SLC2A3: variants seen among roughly 807,000 people sequenced by gnomAD.
The protein encoded by SLC2A3 is solute carrier family 2 member 3.
In SLC2A3, 21 loss-of-function variants were observed where a neutral mutation model predicts 46.4. The ratio of observed to expected loss-of-function variants is 0.45; its 90% CI spans 0.32 to 0.65. The LOEUF is 0.65. SLC2A3 is among the 30% of genes least tolerant of loss of function. SLC2A3 has a pLI of 0.04. For synonymous variants in SLC2A3, 213 were observed against 239.4 expected (o/e 0.89, Z 1.02); for missense variants, 499 against 623.3 (o/e 0.80, Z 2.12).
intron 2 of SLC2A3, 122 bp from the exon 3 acceptor site, chr12:7,933,269 G>T: frequency 9.4e-7 from 1 of 1,061,422 alleles, no homozygotes; most frequent in Non-Finnish European, 1.4e-6. Flanking sequence ...GAATGGAAGG[G>T]GCAGATAACG....
chr12:7,933,853 A>G lies in SLC2A3; in HGVS notation c.65T>C (p.Phe22Ser), dbSNP rs781561134. 9 of 1,614,074 alleles carry G rather than the reference A, an allele frequency of 5.6e-6. No homozygotes were observed. The highest frequency in any genetic ancestry group is 6.8e-6 in the Non-Finnish European group (8 of 1,179,982). The change falls in exon 2 of 10, where the codon TTC (phenylalanine) becomes TCC (serine). Residue 22 changes from phenylalanine (F) to serine (S), a missense_variant. This residue lies in a region of SLC2A3 where 248 missense variants were observed against 284.0 expected (regional missense o/e 0.87). Coordinates refer to ENST00000075120, the MANE Select transcript of SLC2A3 (RefSeq NM_006931.3). ...GACCCCAGTGTTGTAGCCAAATTGG[A>G]AAGAGCCGATTGTAGCAACTGTGAT... is the stretch of plus-strand genomic sequence containing the variant. ...FAITVATIGSFQFGYNTGVIN... is the reference protein window; with the variant it reads ...FAITVATIGSSQFGYNTGVIN...
At chr12:7,926,222 G>A (rs11056506) in intron 6 of SLC2A3, among the ~76,000 whole-genome samples, 63,607 of 151,768 alleles carry the variant, frequency 0.42, 13,726 homozygotes, top group Non-Finnish European at 0.48. Flanking sequence ...CTCCTGAGTA[G>A]CTGGACTACA....
At chr12:7,934,226 A>C (rs974871434) in intron 1 of SLC2A3, among the ~76,000 whole-genome samples, 2 of 152,120 alleles carry the variant, frequency 1.3e-5, no homozygotes, top group Non-Finnish European at 2.9e-5. Flanking sequence ...CCACTCACGA[A>C]CTGGGAGGGC....
intron 3 of SLC2A3, among the ~76,000 whole-genome samples, chr12:7,931,794 AAAG>A (rs1358287201): frequency 2.0e-5 from 3 of 152,180 alleles, no homozygotes; most frequent in African/African-American, 4.8e-5. Flanking sequence ...TAAAAAAACA[AAAG>A]AACAACATAA....
chr12:7,932,169 G>A (rs745564794), intron 3 of SLC2A3, among the ~76,000 whole-genome samples: 4 of 151,182 alleles, frequency 2.6e-5, no homozygotes, highest in Non-Finnish European at 4.4e-5. Context: ...CGTGAGCCAC[G>A]GCACCGGCTT....
chr12:7,930,793 T>C (rs1435828320), intron 4 of SLC2A3, 151 bp from the exon 5 acceptor site: 1 of 25,884 alleles, frequency 3.9e-5, no homozygotes, highest in East Asian at 6.0e-4. Context: ...CTCAGCATGG[T>C]TTTTTTTTTT....
chr12:7,921,521 G>A lies in SLC2A3; in HGVS notation c.1383C>T (p.Ile461=), dbSNP rs770503911. ...PETRGRTFED[I]TRAFEGQAHG... is the part of the protein sequence containing the mutation. ...GTGCCTGCCCTTCAAAGGCCCGTGT[G>A]ATATCCTCAAAAGTCCTGCCACGGG... The change falls in exon 10 of 10, where the codon ATC becomes ATT. Residue 461 remains isoleucine, a synonymous_variant. Coordinates refer to ENST00000075120, the MANE Select transcript of SLC2A3 (RefSeq NM_006931.3). 6.8e-6 allele frequency: 11 copies of A among 1,613,940 alleles called. No individual in the cohort carries two copies. The highest frequency in any genetic ancestry group is 8.5e-6 in the Non-Finnish European group (10 of 1,179,856).
intron 6 of SLC2A3, among the ~76,000 whole-genome samples, chr12:7,928,655 C>T (rs995744863): frequency 6.6e-6 from 1 of 152,026 alleles, no homozygotes; most frequent in South Asian, 2.1e-4. Flanking sequence ...TACACTTGCA[C>T]GTAGCTGCCT....
chr12:7,930,228 C>G, intron 5 of SLC2A3: 2 of 501,918 alleles, frequency 4.0e-6, no homozygotes, highest in Non-Finnish European at 3.4e-6. Context: ...TCAGGTGACC[C>G]GCCTCGGCCT....
intron 8 of SLC2A3, 88 bp from the exon 9 acceptor site, chr12:7,923,112 T>G: frequency 1.6e-6 from 2 of 1,242,718 alleles, no homozygotes; most frequent in South Asian, 1.5e-5. Flanking sequence ...GGCAAGCTCC[T>G]CCTGTCCCTG....
intron 7 of SLC2A3, chr12:7,925,590 TC>T (rs1946087138): frequency 2.9e-6 from 1 of 343,148 alleles, no homozygotes; most frequent in Non-Finnish European, 5.4e-6. Context: ...TGAGAGTTTT[TC>T]CAAGCACCTT....
chr12:7,934,046 G>T, intron 1 of SLC2A3, 144 bp from the exon 2 acceptor site: 1 of 702,578 alleles, frequency 1.4e-6, no homozygotes. Context: ...GGTAATTAAT[G>T]GGGAAGACAA....
chr12:7,932,798 G>C (rs1360352206), intron 3 of SLC2A3, 189 bp downstream of exon 3: 2 of 735,438 alleles, frequency 2.7e-6, no homozygotes, highest in Non-Finnish European at 4.3e-6. Context: ...AGCTGGGTGG[G>C]AGCTCTCCAG....
chr12:7,930,714 G>T, intron 4 of SLC2A3, 72 bp from the exon 5 acceptor site: 3 of 1,412,262 alleles, frequency 2.1e-6, no homozygotes, highest in Admixed American at 2.4e-5. Flanking sequence ...AACACAAAAA[G>T]TTCAGAAAAT....
chr12:7,923,262 G>A (rs1946057904), intron 8 of SLC2A3: 2 of 433,946 alleles, frequency 4.6e-6, no homozygotes, highest in Admixed American at 4.0e-5. Context: ...TCGATCTCCT[G>A]GGCATAAGCA....
chr12:7,930,367 C>G (rs1946139054), intron 5 of SLC2A3, 113 bp downstream of exon 5: 1 of 1,169,778 alleles, frequency 8.5e-7, no homozygotes, highest in Non-Finnish European at 1.2e-6. Context: ...ACCCTCCTCA[C>G]TTGGATTCTG....
In SLC2A3 at chr12:7,933,874, G is replaced by A. The variant is rs1325731317; in HGVS notation, c.44C>T (p.Thr15Ile). 1 of 1,614,072 alleles carries A rather than the reference G, an allele frequency of 6.2e-7. No individual in the cohort carries two copies. Among genetic ancestry groups the A allele is most frequent in the Admixed American group, 1.7e-5 (1 of 59,998 alleles). ...KVTPALIFAI[T>I]VATIGSFQFG... Reference sequence around the variant, plus strand: ...TTGGAAAGAGCCGATTGTAGCAACTGTGATGGCAAATATCAGAGCTGGGGT... The same window carrying A: ...TTGGAAAGAGCCGATTGTAGCAACTATGATGGCAAATATCAGAGCTGGGGT... The change falls in exon 2 of 10, where the codon ACA becomes ATA. Residue 15 changes from threonine to isoleucine, a missense_variant. This residue lies in a region of SLC2A3 where 248 missense variants were observed against 284.0 expected (regional missense o/e 0.87). Coordinates refer to ENST00000075120, the MANE Select transcript of SLC2A3 (RefSeq NM_006931.3).
chr12:7,932,204 C>T (rs1464988542), intron 3 of SLC2A3, among the ~76,000 whole-genome samples: 7 of 149,186 alleles, frequency 4.7e-5, no homozygotes, highest in South Asian at 2.1e-4. Flanking sequence ...CGGGGTTTTG[C>T]TCTTTCGCCC....
In SLC2A3 at chr12:7,933,059, G is replaced by T; in HGVS notation, c.197C>A (p.Ser66Tyr). 6.2e-7 allele frequency: 1 copy of T among 1,614,112 alleles called. No homozygotes were observed. ...ACCCCCGACGGAAAATATGGCCACA[G>T]ACAAGGACCAGAGAGACGTGAGCAG... Reference protein sequence around the residue: ...EVLLTSLWSLSVAIFSVGGMI... With the variant: ...EVLLTSLWSLYVAIFSVGGMI... The change falls in exon 3 of 10, where the codon TCT becomes TAT. Residue 66 changes from serine to tyrosine, a missense_variant. Physicochemically the swap from Ser to Tyr is moderately radical, Grantham distance 144. Around this residue, in one of 5 missense-constraint regions of SLC2A3, gnomAD observed 248 missense variants for 284.0 expected, o/e 0.87. Transcript: ENST00000075120.
Sources: gnomAD v4.1 joint callset for allele counts (sites outside exome capture counted in the v4.1 genomes callset) on GRCh38, gnomAD v4.1.1 for gene constraint, gnomAD v4.1.1 regional missense constraint, MANE v1.5 for transcripts, NCBI Gene and HGNC (gene_info 2026-07-23, HGNC 2026-07-21) for gene names.